The following RALYL variants were observed in gnomAD, a reference collection of about 807,000 sequenced individuals.
The protein encoded by RALYL is RALY RNA binding protein like.
RALYL carries 29 observed loss-of-function variants against 35.1 expected under a neutral mutation model. That is an observed-to-expected ratio of 0.83 (90% CI 0.61 to 1.13). The LOEUF is 1.13. Ranked by LOEUF, RALYL falls within the 50% of genes most tolerant of loss-of-function variation. RALYL has a pLI of 0.00. For synonymous variants in RALYL, 120 were observed against 127.6 expected, an observed-to-expected ratio of 0.94 and a Z score of 0.40; for missense variants, 359 against 360.4, an observed-to-expected ratio of 1.00 and a Z score of 0.03.
chr8:84,753,629 G>A (rs1030609515), intron 2 of RALYL, among the ~76,000 whole-genome samples: 4 of 152,054 alleles, frequency 2.6e-5, no homozygotes, highest in African/African-American at 9.7e-5. Context: ...AAGTTCTCAT[G>A]AGATCTGATT....
chr8:84,885,104 T>C (rs1842748378), intron 7 of RALYL, among the ~76,000 whole-genome samples: 1 of 152,048 alleles, frequency 6.6e-6, no homozygotes, highest in Non-Finnish European at 1.5e-5. Context: ...ATTTTCTCAG[T>C]GGAGCCTACT....
At chr8:84,544,752 C>T (rs988390161) in intron 2 of RALYL, among the ~76,000 whole-genome samples, 1 of 151,996 alleles carries the variant, frequency 6.6e-6, no homozygotes, top group Non-Finnish European at 1.5e-5. Context: ...TTCAACTTCA[C>T]ATTTTATCAT....
chr8:84,206,321 A>G lies in RALYL; in HGVS notation c.-24+21897A>G, dbSNP rs149056016. On this transcript the variant is annotated intron_variant, in intron 1 of 8. Transcript: ENST00000521268. Reference sequence around the variant, plus strand: ...GCATGGGTGATCTGGAGGTAACTTCAGCCTTCCTCGTGGTACCTAAAGTCA... The same window carrying G: ...GCATGGGTGATCTGGAGGTAACTTCGGCCTTCCTCGTGGTACCTAAAGTCA... 1.1e-4 allele frequency among the ~76,000 whole-genome samples: 17 copies of G among 152,290 alleles called. No individual in the cohort carries two copies. In the East Asian group the frequency reaches 3.3e-3, roughly 29 times the overall value.
chr8:84,740,078 A>G (rs1329262365), intron 2 of RALYL, among the ~76,000 whole-genome samples: 1 of 152,028 alleles, frequency 6.6e-6, no homozygotes, highest in Non-Finnish European at 1.5e-5. Flanking sequence ...CTGATGAGAT[A>G]AAGAAATGTG....
chr8:84,918,689 C>T (rs1247799822), intron 8 of RALYL, among the ~76,000 whole-genome samples: 2 of 152,128 alleles, frequency 1.3e-5, no homozygotes, highest in Non-Finnish European at 1.5e-5. Flanking sequence ...AGCCTTTTCT[C>T]ATACTAGAAG....
intron 1 of RALYL, among the ~76,000 whole-genome samples, chr8:84,249,058 A>G (rs1392164643): frequency 6.6e-6 from 1 of 152,080 alleles, no homozygotes; most frequent in Non-Finnish European, 1.5e-5. Flanking sequence ...CATTATGATA[A>G]AAGGGTCAAT....
intron 2 of RALYL, among the ~76,000 whole-genome samples, chr8:84,722,937 A>G (rs1437138294): frequency 6.6e-6 from 1 of 151,870 alleles, no homozygotes; most frequent in African/African-American, 2.4e-5. Context: ...GCAGGTGTCA[A>G]GTTCACACAC....
At chr8:84,665,059 C>A (rs1271010516) in intron 2 of RALYL, among the ~76,000 whole-genome samples, 2 of 152,036 alleles carry the variant, frequency 1.3e-5, no homozygotes, top group South Asian at 4.1e-4. Context: ...TTATTGAAGG[C>A]TTTTTCTGCA....
At chr8:84,387,437 T>A (rs746360401) in intron 1 of RALYL, among the ~76,000 whole-genome samples, 1 of 151,912 alleles carries the variant, frequency 6.6e-6, no homozygotes, top group Admixed American at 6.6e-5. Flanking sequence ...CTTATTTTTA[T>A]TTATTAAAAT....
intron 2 of RALYL, among the ~76,000 whole-genome samples, chr8:84,728,161 C>T (rs1422438800): frequency 1.8e-4 from 27 of 151,514 alleles, no homozygotes; most frequent in Non-Finnish European, 2.8e-4. Flanking sequence ...TTAATGATTG[C>T]CATTCTAACT....
chr8:84,817,626 G>T (rs1328454649), intron 4 of RALYL, among the ~76,000 whole-genome samples: 3 of 151,832 alleles, frequency 2.0e-5, no homozygotes, highest in Non-Finnish European at 4.4e-5. Context: ...TGCAATCACA[G>T]TCACTGCAGC....
intron 1 of RALYL, among the ~76,000 whole-genome samples, chr8:84,399,782 T>C (rs2042705110): frequency 6.6e-6 from 1 of 152,194 alleles, no homozygotes; most frequent in African/African-American, 2.4e-5. Flanking sequence ...GTAGTTTACC[T>C]GTTGTTAGAA....
chr8:84,261,015 T>C (rs554209570), intron 1 of RALYL, among the ~76,000 whole-genome samples: 2 of 152,282 alleles, frequency 1.3e-5, no homozygotes, highest in Admixed American at 1.3e-4. Flanking sequence ...ATATATTTAT[T>C]GTTTAACCGT....
intron 6 of RALYL, among the ~76,000 whole-genome samples, chr8:84,863,474 C>G (rs1383037232): frequency 5.9e-5 from 9 of 152,094 alleles, no homozygotes; most frequent in Non-Finnish European, 8.8e-5. Context: ...GGTAAGCCGC[C>G]GTAGAGACTT....
At chr8:84,460,044 T>C (rs1251368822) in intron 1 of RALYL, among the ~76,000 whole-genome samples, 1 of 151,742 alleles carries the variant, frequency 6.6e-6, no homozygotes, top group Non-Finnish European at 1.5e-5. Context: ...AGCAATGAGA[T>C]GTGAGATTTT....
chr8:84,359,956 G>A (rs1342710027), intron 1 of RALYL, among the ~76,000 whole-genome samples: 4 of 151,356 alleles, frequency 2.6e-5, no homozygotes, highest in Non-Finnish European at 5.9e-5. Flanking sequence ...GAGTGCAGTG[G>A]TGTAATCTTG....
chr8:84,656,624 C>A (rs929490067), intron 2 of RALYL, among the ~76,000 whole-genome samples: 1 of 152,072 alleles, frequency 6.6e-6, no homozygotes, highest in African/African-American at 2.4e-5. Context: ...CCACCTCTTC[C>A]AGGTCCAACA....
chr8:84,865,226 T>A (rs550315346), intron 6 of RALYL, among the ~76,000 whole-genome samples: 38 of 152,236 alleles, frequency 2.5e-4, no homozygotes, highest in African/African-American at 8.9e-4. Context: ...AAATCACAAA[T>A]GAAAAGTATC....
intron 3 of RALYL, among the ~76,000 whole-genome samples, chr8:84,790,824 C>T (rs2718979): frequency 0.27 from 41,594 of 152,014 alleles, 6,131 homozygotes; most frequent in African/African-American, 0.36. Flanking sequence ...TACAGCTTCA[C>T]ATCTGCCTTA....
Sources: allele counts gnomAD v4.1 joint callset (sites outside exome capture counted in the v4.1 genomes callset), GRCh38; gene constraint gnomAD v4.1.1; transcripts MANE v1.5; gene names NCBI Gene and HGNC (gene_info 2026-07-23, HGNC 2026-07-21).